The following LHFPL6 variants were observed in gnomAD, a reference collection of about 807,000 sequenced individuals.
The protein encoded by LHFPL6 is LHFPL tetraspan subfamily member 6, also known as LHFPL tetraspan subfamily member 6 protein.
Under a neutral mutation model 20.6 loss-of-function variants are expected in LHFPL6, and 9 were observed. The observed-to-expected ratio is 0.44, with a 90% CI of 0.26 to 0.76. LHFPL6 has a LOEUF of 0.76. LHFPL6 is among the 30% of genes least tolerant of loss of function. The pLI is 0.20. For missense variants in LHFPL6, 218 were observed against 253.5 expected, an observed-to-expected ratio of 0.86 and a Z score of 0.95; for synonymous variants, 105 against 98.7, an observed-to-expected ratio of 1.06 and a Z score of -0.38.
At chr13:39,378,227 C>T (rs1475156444) in intron 3 of LHFPL6, among the ~76,000 whole-genome samples, 2 of 152,138 alleles carry the variant, frequency 1.3e-5, no homozygotes, top group Admixed American at 1.3e-4. Context: ...ATCTACAATA[C>T]TCATCATAGT....
intron 2 of LHFPL6, among the ~76,000 whole-genome samples, chr13:39,477,006 G>C (rs1033565423): frequency 6.6e-6 from 1 of 152,188 alleles, no homozygotes; most frequent in African/African-American, 2.4e-5. Flanking sequence ...TTGAAGATGG[G>C]TAGTAAAACA....
chr13:39,400,499 C>T (rs1183682343), intron 2 of LHFPL6, among the ~76,000 whole-genome samples: 1 of 152,156 alleles, frequency 6.6e-6, no homozygotes, highest in Non-Finnish European at 1.5e-5. Context: ...GTAAGAATGG[C>T]AAGGCCGGGC....
intron 2 of LHFPL6, among the ~76,000 whole-genome samples, chr13:39,383,048 G>C (rs1051862626): frequency 6.6e-6 from 1 of 152,108 alleles, no homozygotes; most frequent in African/African-American, 2.4e-5. Flanking sequence ...TGCTACCACC[G>C]TATGTTATGG....
At chr13:39,560,671 C>A (rs937334113) in intron 2 of LHFPL6, among the ~76,000 whole-genome samples, 2 of 152,002 alleles carry the variant, frequency 1.3e-5, no homozygotes, top group South Asian at 2.1e-4. Flanking sequence ...CCCGCCCCCA[C>A]GCCCGGCTAA....
At chr13:39,533,116 G>A (rs1870514711) in intron 2 of LHFPL6, among the ~76,000 whole-genome samples, 1 of 152,134 alleles carries the variant, frequency 6.6e-6, no homozygotes, top group African/African-American at 2.4e-5. Context: ...TTGGACTCTA[G>A]ACTGCTCTAA....
intron 2 of LHFPL6, among the ~76,000 whole-genome samples, chr13:39,571,447 C>T (rs562230109): frequency 2.2e-4 from 33 of 152,306 alleles, no homozygotes; most frequent in Admixed American, 6.5e-4. Flanking sequence ...GAGGAGGAGA[C>T]GACCTGACTT....
At chr13:39,433,773 A>T (rs1213643243) in intron 2 of LHFPL6, among the ~76,000 whole-genome samples, 1 of 152,204 alleles carries the variant, frequency 6.6e-6, no homozygotes, top group East Asian at 1.9e-4. Flanking sequence ...GAAAATTCTT[A>T]TTCAGCCTAA....
chr13:39,519,848 A>G (rs527855564), intron 2 of LHFPL6, among the ~76,000 whole-genome samples: 2 of 133,836 alleles, frequency 1.5e-5, no homozygotes, highest in Non-Finnish European at 3.5e-5. Context: ...CCAAGGGGGG[A>G]AAAAAATAAT....
chr13:39,455,903 G>A (rs867955864), intron 2 of LHFPL6, among the ~76,000 whole-genome samples: 1 of 152,160 alleles, frequency 6.6e-6, no homozygotes, highest in Admixed American at 6.5e-5. Flanking sequence ...GATGAACCAT[G>A]TTATGAATAC....
chr13:39,403,608 C>A (rs1871043795), intron 2 of LHFPL6, among the ~76,000 whole-genome samples: 1 of 152,150 alleles, frequency 6.6e-6, no homozygotes, highest in Non-Finnish European at 1.5e-5. Context: ...ACTACAAGCC[C>A]TTTTATTATC....
At chr13:39,402,541 T>C (rs1291182935) in intron 2 of LHFPL6, among the ~76,000 whole-genome samples, 2 of 152,198 alleles carry the variant, frequency 1.3e-5, no homozygotes, top group African/African-American at 2.4e-5. Context: ...TTTTTGCTTT[T>C]TTAAATATAG....
intron 2 of LHFPL6, among the ~76,000 whole-genome samples, chr13:39,503,823 A>G (rs1869377725): frequency 6.6e-6 from 1 of 152,194 alleles, no homozygotes. Flanking sequence ...TTTGCCAATA[A>G]CTTGCTGAAT....
At chr13:39,491,062 A>T (rs1452050447) in intron 2 of LHFPL6, among the ~76,000 whole-genome samples, 1 of 152,198 alleles carries the variant, frequency 6.6e-6, no homozygotes, top group Non-Finnish European at 1.5e-5. Flanking sequence ...TAGACAACAA[A>T]GATTTGTGAG....
intron 2 of LHFPL6, among the ~76,000 whole-genome samples, chr13:39,571,856 G>A (rs1179286850): frequency 6.6e-6 from 1 of 152,222 alleles, no homozygotes; most frequent in Non-Finnish European, 1.5e-5. Context: ...CTGGCCACGG[G>A]CCCTGCATGG....
At chr13:39,548,009 G>A (rs1593358209) in intron 2 of LHFPL6, among the ~76,000 whole-genome samples, 1 of 151,890 alleles carries the variant, frequency 6.6e-6, no homozygotes, top group East Asian at 1.9e-4. Context: ...AAAATTTAAA[G>A]GTCGTAAAAC....
intron 3 of LHFPL6, among the ~76,000 whole-genome samples, chr13:39,362,791 T>C (rs969323433): frequency 6.6e-6 from 1 of 152,110 alleles, no homozygotes; most frequent in South Asian, 2.1e-4. Context: ...GCAAACAACC[T>C]ACAAATTGAA....
intron 2 of LHFPL6, among the ~76,000 whole-genome samples, chr13:39,557,902 T>C (rs879278171): frequency 6.6e-6 from 1 of 152,194 alleles, no homozygotes; most frequent in Non-Finnish European, 1.5e-5. Context: ...TTTAAGAGTC[T>C]TGGAGCTCCC....
intron 2 of LHFPL6, among the ~76,000 whole-genome samples, chr13:39,493,284 C>T (rs1868989717): frequency 3.1e-5 from 4 of 130,034 alleles, no homozygotes; most frequent in Non-Finnish European, 4.7e-5. Context: ...GCCTGGCCAA[C>T]ATGATGAAAC....
At chr13:39,489,370 G>A (rs9566444) in intron 2 of LHFPL6, among the ~76,000 whole-genome samples, 33,399 of 152,016 alleles carry the variant, frequency 0.22, 5,709 homozygotes, top group East Asian at 0.73. Flanking sequence ...CTGATCAGGA[G>A]TGCTTCCTTG....
Sources: allele counts gnomAD v4.1 joint callset (sites outside exome capture counted in the v4.1 genomes callset), GRCh38; gene constraint gnomAD v4.1.1; transcripts MANE v1.5; gene names NCBI Gene and HGNC (gene_info 2026-07-23, HGNC 2026-07-21).